Variants in CCDC91 observed in about 807,000 individuals in gnomAD.
CCDC91 encodes coiled-coil domain containing 91.
Under a neutral mutation model 63.2 loss-of-function variants are expected in CCDC91, and 48 were observed. The observed-to-expected ratio is 0.76, with a 90% confidence interval of 0.60 to 0.97. The LOEUF (loss-of-function observed/expected upper bound fraction) is 0.97, where lower values mean the gene tolerates loss of function less well. CCDC91 is among the 50% of genes least tolerant of loss of function. The pLI is 0.00. For synonymous variants in CCDC91, 167 were observed against 165.8 expected (o/e 1.01, Z -0.06); for missense variants, 500 against 494.6 (o/e 1.01, Z -0.10).
intron 7 of CCDC91, among the ~76,000 whole-genome samples, chr12:28,363,307 G>C (rs755674433): frequency 6.6e-6 from 1 of 151,936 alleles, no homozygotes; most frequent in Non-Finnish European, 1.5e-5. Context: ...CTTTCTTGCT[G>C]TATTTACTCA....
chr12:28,524,234 G>A (rs565703062), intron 12 of CCDC91, among the ~76,000 whole-genome samples: 7 of 151,982 alleles, frequency 4.6e-5, no homozygotes, highest in African/African-American at 7.2e-5. Context: ...ACTTTTCCCC[G>A]TTCAGTATTA....
chr12:28,428,573 C>CAAAAAAAAAAAAAAAAA, intron 8 of CCDC91, among the ~76,000 whole-genome samples: 1 of 65,222 alleles, frequency 1.5e-5, no homozygotes, highest in Non-Finnish European at 2.4e-5. Context: ...CCGTCTCTCC[C>CAAAAAAAAAAAAAAAAA]CAAAAAAAAA....
Position 28,549,400 on chromosome 12 carries a change from G to A in CCDC91, c.*227G>A. On this transcript the variant is annotated 3_prime_UTR_variant, in exon 13 of 13. Transcript: ENST00000536442. Reference sequence around the variant, plus strand: ...TATTTTATTATTATTAGTAGTAGCAGCAACAGAGTATGATATGACCCAAAA... The same window carrying A: ...TATTTTATTATTATTAGTAGTAGCAACAACAGAGTATGATATGACCCAAAA... 1 of 339,212 alleles carries A rather than the reference G, an allele frequency of 2.9e-6. No individual in the cohort carries two copies. Among genetic ancestry groups the A allele is most frequent in the Non-Finnish European group, 5.5e-6 (1 of 182,350 alleles). The allele number at this position is 339,212 out of a possible 1,614,324, so 21.0% of individuals were successfully genotyped here.
At chr12:28,448,478 G>C (rs1049882636) in intron 8 of CCDC91, among the ~76,000 whole-genome samples, 5 of 152,156 alleles carry the variant, frequency 3.3e-5, no homozygotes, top group African/African-American at 1.2e-4. Context: ...GTCTTCTGTT[G>C]TAGGATACTG....
intron 12 of CCDC91, among the ~76,000 whole-genome samples, chr12:28,522,109 C>G (rs1414501976): frequency 6.6e-6 from 1 of 152,112 alleles, no homozygotes; most frequent in African/African-American, 2.4e-5. Flanking sequence ...GGAGGATTCC[C>G]TCTTTTTCTA....
At chr12:28,303,650 A>G (rs1938330704) in intron 3 of CCDC91, among the ~76,000 whole-genome samples, 1 of 152,184 alleles carries the variant, frequency 6.6e-6, no homozygotes, top group Non-Finnish European at 1.5e-5. Flanking sequence ...AATTTTAATG[A>G]TAATCTTTGA....
At chr12:28,518,616 GCTGA>G (rs1034278865) in intron 12 of CCDC91, among the ~76,000 whole-genome samples, 6 of 151,952 alleles carry the variant, frequency 3.9e-5, no homozygotes, top group Admixed American at 1.3e-4. Context: ...TGTTTATTTT[GCTGA>G]CTGTTTCTTT....
intron 1 of CCDC91, among the ~76,000 whole-genome samples, chr12:28,223,667 TTGTAA>T (rs772607942): frequency 4.6e-5 from 7 of 152,194 alleles, no homozygotes; most frequent in African/African-American, 7.2e-5. Flanking sequence ...AATTGAGTAA[TTGTAA>T]TGTATTAGTG....
At chr12:28,332,047 T>C (rs1941561735) in intron 6 of CCDC91, among the ~76,000 whole-genome samples, 1 of 152,184 alleles carries the variant, frequency 6.6e-6, no homozygotes, top group Non-Finnish European at 1.5e-5. Flanking sequence ...TGTGATTAAA[T>C]GTTTCATTAA....
At chr12:28,295,035 G>T (rs376017394) in intron 3 of CCDC91, among the ~76,000 whole-genome samples, 9 of 152,234 alleles carry the variant, frequency 5.9e-5, no homozygotes, top group African/African-American at 2.2e-4. Context: ...TCTGATTCTA[G>T]CCCTGTTCAT....
chr12:28,517,510 T>G (rs1382800614), intron 12 of CCDC91, among the ~76,000 whole-genome samples: 1 of 151,990 alleles, frequency 6.6e-6, no homozygotes, highest in Non-Finnish European at 1.5e-5. Flanking sequence ...CTAAACAATG[T>G]TGTCAAATTT....
intron 8 of CCDC91, among the ~76,000 whole-genome samples, chr12:28,406,492 TATG>T: frequency 6.6e-6 from 1 of 152,304 alleles, no homozygotes; most frequent in Non-Finnish European, 1.5e-5. Context: ...ATGATTGAGT[TATG>T]AGAGTTCTTG....
intron 1 of CCDC91, among the ~76,000 whole-genome samples, chr12:28,245,902 A>G (rs1945701344): frequency 6.6e-6 from 1 of 152,134 alleles, no homozygotes; most frequent in African/African-American, 2.4e-5. Flanking sequence ...CAATTATTTT[A>G]CTCATAGGCA....
chr12:28,213,333 G>A lies in CCDC91; in HGVS notation c.-15+22692G>A, dbSNP rs75660359. On this transcript the variant is annotated intron_variant, in intron 1 of 12. Transcript: ENST00000536442. The stretch of plus-strand genomic sequence containing the variant: ...TAGGCCCCTAAAGATGAGGCACAAA[G>A]TGTGACCCATGAAGACATGTACTAC... 2.0e-3 allele frequency among the ~76,000 whole-genome samples: 312 copies of A among 152,286 alleles called. 2 individuals carry two copies. The highest frequency in any genetic ancestry group is 7.1e-3 in the African/African-American group (294 of 41,550).
chr12:28,390,393 C>A (rs779809098), intron 7 of CCDC91, among the ~76,000 whole-genome samples: 1 of 150,996 alleles, frequency 6.6e-6, no homozygotes, highest in South Asian at 2.1e-4. Context: ...TTTAAACAGA[C>A]ATCTAAAAAT....
At chr12:28,467,973 A>G (rs1056162244) in intron 11 of CCDC91, among the ~76,000 whole-genome samples, 4 of 152,024 alleles carry the variant, frequency 2.6e-5, no homozygotes, top group Non-Finnish European at 5.9e-5. Flanking sequence ...GTTGATAGCT[A>G]TAAGTGCCTA....
At chr12:28,426,859 T>C (rs930052579) in intron 8 of CCDC91, among the ~76,000 whole-genome samples, 7 of 152,194 alleles carry the variant, frequency 4.6e-5, no homozygotes, top group Admixed American at 6.5e-5. Context: ...GCATGTCTTA[T>C]AACTTTTTAT....
chr12:28,241,059 G>A (rs1945301472), intron 1 of CCDC91, among the ~76,000 whole-genome samples: 1 of 152,070 alleles, frequency 6.6e-6, no homozygotes, highest in Non-Finnish European at 1.5e-5. Context: ...ATTTGGTATT[G>A]TCATTACTTT....
intron 1 of CCDC91, among the ~76,000 whole-genome samples, chr12:28,205,834 C>T (rs11049458): frequency 6.6e-6 from 1 of 151,906 alleles, no homozygotes; most frequent in Non-Finnish European, 1.5e-5. Context: ...CTCAAATATA[C>T]AAGTATAGAG....
Sources: gnomAD v4.1 joint callset for allele counts (sites outside exome capture counted in the v4.1 genomes callset) on GRCh38, gnomAD v4.1.1 for gene constraint, MANE v1.5 for transcripts, NCBI Gene and HGNC (gene_info 2026-07-23, HGNC 2026-07-21) for gene names.